The following PALLD variants were observed in gnomAD, a reference collection of about 807,000 sequenced individuals.
The protein encoded by PALLD is palladin, cytoskeletal associated protein.
A neutral mutation model predicts 123.5 loss-of-function variants in PALLD; 61 were observed. That is an observed-to-expected ratio of 0.49 (90% confidence interval 0.40 to 0.61). The LOEUF is 0.61. Ranked by LOEUF, PALLD falls within the 20% of genes least tolerant of loss-of-function variation. PALLD has a pLI of 0.00. For synonymous variants in PALLD, 465 were observed against 496.4 expected (o/e 0.94, Z 0.84); for missense variants, 1,273 against 1,377.0 (o/e 0.92, Z 1.20).
At chr4:168,705,495 G>A (rs1784139851) in intron 8 of PALLD, among the ~76,000 whole-genome samples, 1 of 152,090 alleles carries the variant, frequency 6.6e-6, no homozygotes, top group African/African-American at 2.4e-5. Flanking sequence ...CCCACCTTCT[G>A]CTCTCTTGCT....
chr4:168,803,389 A>G (rs950659114), intron 10 of PALLD, among the ~76,000 whole-genome samples: 13 of 152,298 alleles, frequency 8.5e-5, no homozygotes, highest in Admixed American at 7.2e-4. Flanking sequence ...ACTTGCATAT[A>G]TACTCCCTGA....
intron 10 of PALLD, among the ~76,000 whole-genome samples, chr4:168,880,964 GT>G: frequency 6.6e-6 from 1 of 152,226 alleles, no homozygotes; most frequent in East Asian, 1.9e-4. Context: ...CTGGAATGCA[GT>G]GGTGCAATTG....
At chr4:168,623,532 A>T (rs1013904427) in intron 2 of PALLD, among the ~76,000 whole-genome samples, 1 of 152,230 alleles carries the variant, frequency 6.6e-6, no homozygotes, top group Non-Finnish European at 1.5e-5. Flanking sequence ...TCCATGGTTT[A>T]GCAATCACAG....
chr4:168,859,020 G>T (rs377527617), intron 10 of PALLD, among the ~76,000 whole-genome samples: 3 of 152,124 alleles, frequency 2.0e-5, no homozygotes, highest in Non-Finnish European at 4.4e-5. Flanking sequence ...TTATTTAAAT[G>T]TATTTATAAA....
chr4:168,561,977 T>C (rs1459622412), intron 2 of PALLD, among the ~76,000 whole-genome samples: 4 of 152,180 alleles, frequency 2.6e-5, no homozygotes, highest in Non-Finnish European at 5.9e-5. Context: ...CTTTACACTT[T>C]ACAAGGCACT....
chr4:168,690,813 G>A (rs1287588480), intron 7 of PALLD, 69 bp downstream of exon 7: 1 of 1,470,020 alleles, frequency 6.8e-7, no homozygotes, highest in African/African-American at 1.4e-5. Context: ...AAACCAAGAA[G>A]GGCTAAGTCA....
chr4:168,660,454 A>T (rs971027263), intron 2 of PALLD, among the ~76,000 whole-genome samples: 1 of 152,184 alleles, frequency 6.6e-6, no homozygotes, highest in South Asian at 2.1e-4. Context: ...CATGTAAAAC[A>T]TCTTCTTGAA....
At chr4:168,533,750 G>C (rs1384107787) in intron 2 of PALLD, among the ~76,000 whole-genome samples, 6 of 152,140 alleles carry the variant, frequency 3.9e-5, no homozygotes, top group Non-Finnish European at 5.9e-5. Context: ...AGATCCATGT[G>C]GAGAGCCTGC....
chr4:168,697,290 T>A (rs1264100195), intron 8 of PALLD, among the ~76,000 whole-genome samples: 1 of 152,214 alleles, frequency 6.6e-6, no homozygotes, highest in Non-Finnish European at 1.5e-5. Context: ...GACAGTGTGC[T>A]CCACCACAGC....
At chr4:168,812,232 A>G (rs867639845) in intron 10 of PALLD, among the ~76,000 whole-genome samples, 2 of 152,194 alleles carry the variant, frequency 1.3e-5, no homozygotes, top group Admixed American at 6.5e-5. Context: ...CCTGGAGCCA[A>G]TTAGGATTGT....
rs886059212 is a variant in PALLD at position 168,927,088 on chromosome 4, A to G, written c.*908A>G. 17 of 222,248 alleles carry G rather than the reference A, an allele frequency of 7.6e-5. No homozygotes were observed. Among genetic ancestry groups the G allele is most frequent in the Non-Finnish European group, 1.3e-4 (14 of 110,790 alleles). The allele number at this position is 222,248 out of a possible 1,614,324, so 13.8% of individuals were successfully genotyped here. Reference sequence around the variant, plus strand: ...TATTAAAAGGCTAATTTAAATATAAATAATATAAAGTGCTCTGAATAAAGC... The same window carrying G: ...TATTAAAAGGCTAATTTAAATATAAGTAATATAAAGTGCTCTGAATAAAGC... On this transcript the variant is annotated 3_prime_UTR_variant, in exon 22 of 22. Coordinates refer to ENST00000505667, the MANE Select transcript of PALLD (RefSeq NM_001166108.2).
chr4:168,575,606 G>C (rs35131136), intron 2 of PALLD, among the ~76,000 whole-genome samples: 3,896 of 151,938 alleles, frequency 0.026, 85 homozygotes, highest in Non-Finnish European at 0.043. Flanking sequence ...ATGAAGAATT[G>C]GCATTTCTAA....
chr4:168,562,905 G>A (rs980649735), intron 2 of PALLD, among the ~76,000 whole-genome samples: 2 of 152,198 alleles, frequency 1.3e-5, no homozygotes, highest in African/African-American at 4.8e-5. Flanking sequence ...CGTTTGTGTA[G>A]AGAATGGACT....
intron 2 of PALLD, among the ~76,000 whole-genome samples, chr4:168,586,051 T>C (rs1011826874): frequency 1.3e-5 from 2 of 151,344 alleles, no homozygotes; most frequent in African/African-American, 4.9e-5. Flanking sequence ...TTTGTTCGAG[T>C]TGGAAAGAAA....
chr4:168,686,989 C>A lies in PALLD; in HGVS notation c.1335+1430C>A, dbSNP rs145973177. On this transcript the variant is annotated intron_variant, in intron 6 of 21. Transcript: ENST00000505667. ...GTTTCTGAATACCTACAGAAACTTG[C>A]AAATTGCTGGAGAAAGAATGAATTC... Among the ~76,000 whole-genome samples, 464 of 152,256 alleles carry A rather than the reference C, an allele frequency of 3.0e-3. 3 individuals carry two copies. The highest frequency in any genetic ancestry group is 0.01 in the Middle Eastern group (3 of 294).
intron 10 of PALLD, among the ~76,000 whole-genome samples, chr4:168,734,942 A>AGT (rs1323812914): frequency 1.3e-5 from 2 of 152,042 alleles, no homozygotes; most frequent in Admixed American, 1.3e-4. Context: ...AGAGAGAGAG[A>AGT]GAGGAGAAAG....
Position 168,516,065 on chromosome 4 carries a change from C to T in PALLD, c.908+3653C>T, listed in dbSNP as rs116398623. ...ACTGTGTGAACACCACTTATGACTA[C>T]AAACAGGACTGAAAATATGTTTTCC... On this transcript the variant is annotated intron_variant, in intron 2 of 21. Coordinates refer to ENST00000505667, the MANE Select transcript of PALLD (RefSeq NM_001166108.2). 5.0e-3 allele frequency among the ~76,000 whole-genome samples: 764 copies of T among 152,314 alleles called. 4 individuals are homozygous for T. The highest frequency in any genetic ancestry group is 8.3e-3 in the Non-Finnish European group (565 of 68,028).
At chr4:168,846,715 C>A (rs528714144) in intron 10 of PALLD, among the ~76,000 whole-genome samples, 3 of 152,154 alleles carry the variant, frequency 2.0e-5, no homozygotes, top group African/African-American at 4.8e-5. Flanking sequence ...TAACTGCAGG[C>A]TTCTTCCGAA....
chr4:168,657,158 A>G (rs903579472), intron 2 of PALLD, among the ~76,000 whole-genome samples: 5 of 152,266 alleles, frequency 3.3e-5, no homozygotes, highest in Admixed American at 3.3e-4. Context: ...CATGATTCAC[A>G]GAACACATGT....
Sources: gnomAD v4.1 joint callset for allele counts (sites outside exome capture counted in the v4.1 genomes callset) on GRCh38, gnomAD v4.1.1 for gene constraint, MANE v1.5 for transcripts, NCBI Gene and HGNC (gene_info 2026-07-23, HGNC 2026-07-21) for gene names.